Variants in NDST4 observed in about 807,000 individuals in gnomAD.
NDST4 encodes the protein N-deacetylase and N-sulfotransferase 4.
Under a neutral mutation model 100.8 loss-of-function variants are expected in NDST4, and 63 were observed. The ratio of observed to expected loss-of-function variants is 0.62; its 90% CI spans 0.51 to 0.77. The LOEUF (loss-of-function observed/expected upper bound fraction) is 0.77. NDST4 is among the 30% of genes least tolerant of loss of function. The pLI is 0.00. For synonymous variants in NDST4, 377 were observed against 361.8 expected (o/e 1.04, Z -0.48); for missense variants, 943 against 1,018.4 (o/e 0.93, Z 1.01).
intron 2 of NDST4, among the ~76,000 whole-genome samples, chr4:115,039,787 T>C (rs780296611): frequency 6.6e-6 from 1 of 152,086 alleles, no homozygotes; most frequent in Non-Finnish European, 1.5e-5. Context: ...AAATAATACA[T>C]GCACACACAC....
intron 2 of NDST4, among the ~76,000 whole-genome samples, chr4:115,022,496 T>TATATGTGTTCC (rs1346424884): frequency 1.1e-4 from 13 of 115,250 alleles, no homozygotes; most frequent in East Asian, 4.5e-4. Context: ...ATGTTCCATA[T>TATATGTGTTCC]ATATATATGT....
At chr4:114,841,079 G>A (rs1376259124) in intron 10 of NDST4, among the ~76,000 whole-genome samples, 2 of 151,816 alleles carry the variant, frequency 1.3e-5, no homozygotes, top group African/African-American at 2.4e-5. Flanking sequence ...ATGCTAAAAT[G>A]TCTACCTTAA....
chr4:114,831,848 T>C (rs796953492), intron 12 of NDST4, among the ~76,000 whole-genome samples: 7 of 152,336 alleles, frequency 4.6e-5, no homozygotes, highest in African/African-American at 1.7e-4. Flanking sequence ...TATCAATTCA[T>C]TGCTTTGTGG....
At chr4:114,978,770 C>A (rs774301609) in intron 2 of NDST4, among the ~76,000 whole-genome samples, 2 of 151,722 alleles carry the variant, frequency 1.3e-5, no homozygotes, top group Non-Finnish European at 2.9e-5. Flanking sequence ...AAAAAAATTT[C>A]TCCCGTCTGC....
intron 2 of NDST4, among the ~76,000 whole-genome samples, chr4:115,067,854 A>G (rs1728983553): frequency 2.6e-5 from 4 of 151,200 alleles, no homozygotes; most frequent in African/African-American, 2.4e-5. Flanking sequence ...TTAACTCATC[A>G]TTTATATTAG....
intron 3 of NDST4, among the ~76,000 whole-genome samples, chr4:114,971,965 G>A (rs1418270890): frequency 6.6e-6 from 1 of 152,010 alleles, no homozygotes; most frequent in Non-Finnish European, 1.5e-5. Flanking sequence ...GTGAAGAGTT[G>A]ATGAGATTAA....
intron 1 of NDST4, among the ~76,000 whole-genome samples, chr4:115,087,830 C>A (rs922085912): frequency 6.6e-6 from 1 of 151,694 alleles, no homozygotes; most frequent in Non-Finnish European, 1.5e-5. Context: ...AGAAACTCAA[C>A]TGCTTTTTTT....
chr4:114,886,754 A>G (rs1724487605), intron 6 of NDST4, among the ~76,000 whole-genome samples: 1 of 152,158 alleles, frequency 6.6e-6, no homozygotes, highest in South Asian at 2.1e-4. Context: ...ATAATGAAGA[A>G]GTGATGGAGA....
intron 2 of NDST4, among the ~76,000 whole-genome samples, chr4:115,045,866 T>C (rs1444305905): frequency 6.6e-6 from 1 of 152,134 alleles, no homozygotes; most frequent in Non-Finnish European, 1.5e-5. Flanking sequence ...CCATGAGCAA[T>C]GAACTACACA....
At chr4:114,890,455 T>C (rs1560797444) in intron 6 of NDST4, among the ~76,000 whole-genome samples, 1 of 152,094 alleles carries the variant, frequency 6.6e-6, no homozygotes, top group Non-Finnish European at 1.5e-5. Context: ...GGAAATACTC[T>C]AGGACAAATC....
At chr4:115,018,958 G>C (rs577398842) in intron 2 of NDST4, among the ~76,000 whole-genome samples, 27 of 151,850 alleles carry the variant, frequency 1.8e-4, no homozygotes, top group African/African-American at 6.3e-4. Flanking sequence ...ATTTTTATAG[G>C]TAATAATTAT....
chr4:115,091,400 G>C (rs1042891030), intron 1 of NDST4, among the ~76,000 whole-genome samples: 5 of 151,898 alleles, frequency 3.3e-5, no homozygotes, highest in African/African-American at 4.8e-5. Context: ...TGAACAATAT[G>C]AACAACTTAT....
intron 7 of NDST4, among the ~76,000 whole-genome samples, chr4:114,857,779 GAATAA>G (rs2126191229): frequency 6.6e-6 from 1 of 152,278 alleles, no homozygotes; most frequent in East Asian, 1.9e-4. Flanking sequence ...CAGCAGAGAT[GAATAA>G]ATGGCATAGG....
intron 2 of NDST4, among the ~76,000 whole-genome samples, chr4:115,071,418 G>A (rs960282751): frequency 1.3e-5 from 2 of 151,974 alleles, no homozygotes; most frequent in Non-Finnish European, 2.9e-5. Context: ...CCAAGGAAGA[G>A]TCCAGTTACA....
intron 6 of NDST4, among the ~76,000 whole-genome samples, chr4:114,925,640 T>A (rs1487707425): frequency 6.6e-6 from 1 of 152,152 alleles, no homozygotes; most frequent in Admixed American, 6.5e-5. Flanking sequence ...CAATTTCAAG[T>A]ACACCACTCT....
intron 7 of NDST4, among the ~76,000 whole-genome samples, chr4:114,864,933 T>C (rs1203805071): frequency 6.6e-6 from 1 of 152,216 alleles, no homozygotes; most frequent in Non-Finnish European, 1.5e-5. Context: ...TAAATGTCTA[T>C]CTATTCTTCA....
At chr4:115,103,385 T>C (rs1228966012) in intron 1 of NDST4, among the ~76,000 whole-genome samples, 1 of 152,172 alleles carries the variant, frequency 6.6e-6, no homozygotes, top group East Asian at 1.9e-4. Context: ...TTAAATTAAT[T>C]ATAAATCTCT....
intron 11 of NDST4, among the ~76,000 whole-genome samples, chr4:114,836,419 T>G (rs566187893): frequency 6.6e-6 from 1 of 152,298 alleles, no homozygotes; most frequent in Admixed American, 6.5e-5. Flanking sequence ...TGAAAATTCT[T>G]TTCTTTAAGG....
At chr4:115,003,128 A>G (rs985843399) in intron 2 of NDST4, among the ~76,000 whole-genome samples, 32 of 152,130 alleles carry the variant, frequency 2.1e-4, no homozygotes, top group African/African-American at 7.7e-4. Flanking sequence ...TACATAATGC[A>G]TGCGGGGCTT....
Sources: gnomAD v4.1 joint callset for allele counts (sites outside exome capture counted in the v4.1 genomes callset) on GRCh38, gnomAD v4.1.1 for gene constraint, MANE v1.5 for transcripts, NCBI Gene and HGNC (gene_info 2026-07-23, HGNC 2026-07-21) for gene names.